The following YIPF3 variants were observed in gnomAD, a reference collection of about 807,000 sequenced individuals.
The protein encoded by YIPF3 is protein YIPF3.
In YIPF3, 18 loss-of-function variants were observed where a neutral mutation model predicts 40.3. That is an observed-to-expected ratio of 0.45 (90% CI 0.31 to 0.66). The LOEUF (loss-of-function observed/expected upper bound fraction) is 0.66. Ranked by LOEUF, YIPF3 falls within the 30% of genes least tolerant of loss-of-function variation. The pLI, the probability that YIPF3 is intolerant of heterozygous loss-of-function variation, is 0.07. For synonymous variants in YIPF3, 190 were observed against 179.6 expected, an observed-to-expected ratio of 1.06 and a Z score of -0.46; for missense variants, 406 against 452.2, an observed-to-expected ratio of 0.90 and a Z score of 0.93.
Position 43,515,134 on chromosome 6 carries a change from G to A in YIPF3, c.395+461C>T, listed in dbSNP as rs192486113. On this transcript the variant is annotated intron_variant, in intron 3 of 8. Coordinates refer to ENST00000372422, the MANE Select transcript of YIPF3 (RefSeq NM_015388.4). ...CTGCCTCAGCCTCCCGAGTAGCTGG[G>A]ACTACGGGCACCCGCCTGTCTAATT... 593 of 372,258 alleles carry A rather than the reference G, an allele frequency of 1.6e-3. 3 individuals carry two copies. Among genetic ancestry groups the A allele is most frequent in the Middle Eastern group, 6.6e-3 (7 of 1,060 alleles). The allele number at this position is 372,258 out of a possible 1,614,324, so 23.1% of individuals were successfully genotyped here.
rs1009813617 is a variant in YIPF3, at chr6:43,512,096, A to C, written c.*71T>G. ...CCCATCTACGAAACATGTCATCAGGACTGTCCTTTAATAGTCTTCCTCCTC... is the reference window on the plus strand; with the variant it reads ...CCCATCTACGAAACATGTCATCAGGCCTGTCCTTTAATAGTCTTCCTCCTC... On this transcript the variant is annotated 3_prime_UTR_variant, in exon 9 of 9. Coordinates refer to ENST00000372422, the MANE Select transcript of YIPF3 (RefSeq NM_015388.4). 5.6e-6 allele frequency: 9 copies of C among 1,602,564 alleles called. No homozygotes were observed. The highest frequency in any genetic ancestry group is 6.8e-6 in the Non-Finnish European group (8 of 1,173,838).
chr6:43,516,596 G>A lies in YIPF3; in HGVS notation c.81+131C>T, dbSNP rs1359817825. Reference sequence around the variant, plus strand: ...CAATGTTAATCCCACTGACTTTAGTGTGCACGAAGACCCAAAGAAGAGAGT... The same window carrying A: ...CAATGTTAATCCCACTGACTTTAGTATGCACGAAGACCCAAAGAAGAGAGT... On this transcript the variant is annotated intron_variant, in intron 1 of 8. Transcript: ENST00000372422. 7 of 1,063,472 alleles carry A rather than the reference G, an allele frequency of 6.6e-6. No homozygotes were observed. The East Asian group carries it at 1.2e-4, about 18-fold the overall frequency. 65.9% of individuals were successfully genotyped at this position (1,063,472 alleles called of 1,614,324 possible).
At position 43,512,086 on chromosome 6, in the gene YIPF3, T is replaced by A; in HGVS notation, c.*81A>T. On this transcript the variant is annotated 3_prime_UTR_variant, in exon 9 of 9. Transcript: ENST00000372422. ...AGCTGCAAACCCCATCTACGAAACATGTCATCAGGACTGTCCTTTAATAGT... is the reference window on the plus strand; with the variant it reads ...AGCTGCAAACCCCATCTACGAAACAAGTCATCAGGACTGTCCTTTAATAGT... 1 of 1,575,976 alleles carries A rather than the reference T, an allele frequency of 6.3e-7. No homozygotes were observed. The highest frequency in any genetic ancestry group is 8.6e-7 in the Non-Finnish European group (1 of 1,158,464).
In YIPF3 at chr6:43,515,965, GCAGCTGCAT is replaced by G. The variant is rs768909053; in HGVS notation, c.203_211del (p.Asp68_Ala70del). 168 of 1,613,948 alleles carry G rather than the reference GCAGCTGCAT, an allele frequency of 1.0e-4. No individual in the cohort carries two copies. The highest frequency in any genetic ancestry group is 4.7e-4 in the African/African-American group (35 of 74,916). ...GAACTCTCCATCCTCCTCTTCAGCA[GCAGCTGCAT>G]CAGCTGCATCAGCGTCTACTTCTTC... is the stretch of plus-strand genomic sequence containing the variant. On this transcript the variant is annotated inframe_deletion, in exon 2 of 9. Transcript: ENST00000372422.
chr6:43,513,769 G>A, intron 3 of YIPF3, 136 bp from the exon 4 acceptor site: 1 of 785,864 alleles, frequency 1.3e-6, no homozygotes, highest in Non-Finnish European at 2.0e-6. Flanking sequence ...TGACACGGTA[G>A]AACAGGGTAG....
Position 43,511,956 on chromosome 6 carries a change from T to C in YIPF3, c.*211A>G, listed in dbSNP as rs1034145475. The C allele has an allele frequency of 3.6e-5, 25 of 690,090 alleles. No individual in the cohort carries two copies. The highest frequency in any genetic ancestry group is 5.0e-5 in the Non-Finnish European group (22 of 435,724). The allele number at this position is 690,090 out of a possible 1,614,324, so 42.7% of individuals were successfully genotyped here. A position where few individuals can be genotyped will look rare whatever the true frequency, so the allele number is the denominator to read the frequency against. On this transcript the variant is annotated 3_prime_UTR_variant, in exon 9 of 9. Coordinates refer to ENST00000372422, the MANE Select transcript of YIPF3 (RefSeq NM_015388.4). ...CAAAGGAGCTGACCCATTTTCTGCA[T>C]TGGCTGCAGAGCCTTGCAGTCCTGG... is the stretch of plus-strand genomic sequence containing the variant.
chr6:43,513,766 G>A (rs1220299833), intron 3 of YIPF3, 133 bp from the exon 4 acceptor site: 2 of 781,548 alleles, frequency 2.6e-6, no homozygotes, highest in South Asian at 2.1e-5. Context: ...GGATGACACG[G>A]TAGAACAGGG....
Position 43,516,868 on chromosome 6 carries a change from T to C in YIPF3, c.-61A>G. 1.3e-6 allele frequency: 2 copies of C among 1,532,114 alleles called. No homozygotes were observed. The highest frequency in any genetic ancestry group is 1.2e-5 in the South Asian group (1 of 84,058). 94.9% of individuals were successfully genotyped at this position (1,532,114 alleles called of 1,614,324 possible). A position where few individuals can be genotyped will look rare whatever the true frequency, so the allele number is the denominator to read the frequency against. Reference sequence around the variant, plus strand: ...AGCCCCGCGCGCGGAGTGGGCAAGATGTGGGCCTCCGGAAGGTAGACGTCC... The same window carrying C: ...AGCCCCGCGCGCGGAGTGGGCAAGACGTGGGCCTCCGGAAGGTAGACGTCC... On this transcript the variant is annotated 5_prime_UTR_variant, in exon 1 of 9. Transcript: ENST00000372422.
In YIPF3 at chr6:43,512,516, G is replaced by T. The variant is rs749063298; in HGVS notation, c.828C>A (p.Leu276=). The change falls in exon 8 of 9, where the codon CTC becomes CTA. Residue 276 remains leucine (L), a synonymous_variant. Coordinates refer to ENST00000372422, the MANE Select transcript of YIPF3 (RefSeq NM_015388.4). ...GTAGGGCAGCCAGGGTGCCACAGAG[G>T]AGCAGCCGCTGTGTGGGGCCCACGG... is the stretch of plus-strand genomic sequence containing the variant. ...SRTVGPTQRL[L]LCGTLAALHM... is the part of the protein sequence containing the mutation. 6.2e-7 allele frequency: 1 copy of T among 1,613,130 alleles called. No homozygotes were observed.
intron 2 of YIPF3, 81 bp downstream of exon 2, chr6:43,515,808 G>C: frequency 6.3e-7 from 1 of 1,595,002 alleles, no homozygotes; most frequent in East Asian, 2.2e-5. Flanking sequence ...AACCTGGGGC[G>C]AACATCACCA....
chr6:43,516,017 G>T lies in YIPF3; in HGVS notation c.160C>A (p.His54Asn). ...GSSFEDMGEL[H>N]QRLREEEVDA... ...ACTTCTTCCTCGCGCAGGCGCTGATGCAGCTCACCCATATCCTCGAAGCTA... is the reference window on the plus strand; with the variant it reads ...ACTTCTTCCTCGCGCAGGCGCTGATTCAGCTCACCCATATCCTCGAAGCTA... Residue 54 changes from histidine to asparagine, a missense_variant, in exon 2 of 9, where the codon CAT (histidine) becomes AAT (asparagine). Transcript: ENST00000372422. 1 of 1,614,250 alleles carries T rather than the reference G, an allele frequency of 6.2e-7. No homozygotes were observed. Among genetic ancestry groups the T allele is most frequent in the Non-Finnish European group, 8.5e-7 (1 of 1,180,052 alleles).
In YIPF3 at chr6:43,515,782, A is replaced by G. The variant is rs540641954; in HGVS notation, c.289-81T>C. The G allele has an allele frequency of 4.4e-6, 7 of 1,606,068 alleles. No individual in the cohort carries two copies. The Admixed American group carries it at 1.0e-4, about 23-fold the overall frequency. On this transcript the variant is annotated intron_variant, in intron 2 of 8. Coordinates refer to ENST00000372422, the MANE Select transcript of YIPF3 (RefSeq NM_015388.4). ...TGCCTATTTTCCGTTTGATTTCTAC[A>G]TGGTTCTAACTGGACAACCTGGGGC...
intron 1 of YIPF3, 81 bp downstream of exon 1, chr6:43,516,646 G>T: frequency 6.6e-7 from 1 of 1,516,216 alleles, no homozygotes; most frequent in Non-Finnish European, 9.0e-7. Flanking sequence ...GGACTTCCAG[G>T]CCCAGAGGGG....
At position 43,512,163 on chromosome 6, in the gene YIPF3, G is replaced by C. The variant is rs781509201; in HGVS notation, c.*4C>G. 1 of 1,614,184 alleles carries C rather than the reference G, an allele frequency of 6.2e-7. No individual in the cohort carries two copies. Among genetic ancestry groups the C allele is most frequent in the South Asian group, 1.1e-5 (1 of 91,082 alleles). On this transcript the variant is annotated 3_prime_UTR_variant, in exon 9 of 9. Coordinates refer to ENST00000372422, the MANE Select transcript of YIPF3 (RefSeq NM_015388.4). ...AGAGGACTGGCCAAGAATTTCAGGT[G>C]GGGTCAGTGTGACTGCAGGGTCACC...
chr6:43,514,337 A>G (rs76139076), intron 3 of YIPF3, among the ~76,000 whole-genome samples: 5,041 of 152,324 alleles, frequency 0.033, 267 homozygotes, highest in African/African-American at 0.11. Flanking sequence ...GGAAAAGTCT[A>G]GCCGGCTAGA....
At position 43,512,829 on chromosome 6, in the gene YIPF3, T is replaced by C. The variant is rs552223908; in HGVS notation, c.712A>G (p.Asn238Asp). The change falls in exon 7 of 9, where the codon AAT (asparagine) becomes GAT (aspartate). Residue 238 changes from asparagine (N) to aspartate (D), a missense_variant. Transcript: ENST00000372422. Reference protein sequence around the residue: ...GHCIVLFITYNIHLHALFYLF... With the variant: ...GHCIVLFITYDIHLHALFYLF... ...TAGAAGAGGGCGTGGAGGTGGATAT[T>C]ATAGGTGATGAACAGGACAATGCAA... 7 of 1,614,004 alleles carry C rather than the reference T, an allele frequency of 4.3e-6. No homozygotes were observed. The South Asian group carries it at 7.7e-5, about 18-fold the overall frequency.
At chr6:43,515,355 T>G (rs1303703075) in intron 3 of YIPF3, 1 of 608,594 alleles carries the variant, frequency 1.6e-6, no homozygotes, top group Non-Finnish European at 3.1e-6. Flanking sequence ...TTGAGGAATG[T>G]GGAACAGAGG....
chr6:43,512,081 A>T lies in YIPF3; in HGVS notation c.*86T>A. On this transcript the variant is annotated 3_prime_UTR_variant, in exon 9 of 9. Transcript: ENST00000372422. ...GTGGCAGCTGCAAACCCCATCTACG[A>T]AACATGTCATCAGGACTGTCCTTTA... 6.4e-7 allele frequency: 1 copy of T among 1,572,360 alleles called. No homozygotes were observed. Among genetic ancestry groups the T allele is most frequent in the Non-Finnish European group, 8.6e-7 (1 of 1,156,542 alleles).
chr6:43,514,830 A>G (rs1009003480), intron 3 of YIPF3, among the ~76,000 whole-genome samples: 4 of 152,200 alleles, frequency 2.6e-5, no homozygotes, highest in Non-Finnish European at 5.9e-5. Flanking sequence ...CTCAAAAACT[A>G]TGCCCTGATA....
Sources: gnomAD v4.1 joint callset for allele counts (sites outside exome capture counted in the v4.1 genomes callset) on GRCh38, gnomAD v4.1.1 for gene constraint, MANE v1.5 for transcripts, NCBI Gene and HGNC (gene_info 2026-07-23, HGNC 2026-07-21) for gene names.